CAD: variants seen among roughly 807,000 people sequenced by gnomAD.
CAD encodes the protein carbamoyl-phosphate synthetase 2, aspartate transcarbamylase, and dihydroorotase, also known as multifunctional protein CAD.
CAD carries 81 observed loss-of-function variants against 237.2 expected under a neutral mutation model. That is an observed-to-expected ratio of 0.34 (90% CI 0.29 to 0.41). The LOEUF is 0.41. Among genes scored for constraint, CAD ranks in the 10% least tolerant of loss-of-function variants. The pLI, the probability that CAD is intolerant of heterozygous loss-of-function variation, is 1.00. For missense variants in CAD, 2,181 were observed against 2,951.7 expected, an observed-to-expected ratio of 0.74 and a Z score of 6.05; for synonymous variants, 1,196 against 1,162.8, an observed-to-expected ratio of 1.03 and a Z score of -0.58.
rs762035791 is a variant in CAD at position 27,242,088 on chromosome 2, G to A, written c.6061G>A (p.Val2021Ile). ...VQTMSCYADV[V>I]VLRHPQPGAV... The stretch of plus-strand genomic sequence containing the variant: ...GACCATGAGCTGCTATGCCGACGTC[G>A]TCGTGCTCCGGCACCCCCAGCCTGG... Residue 2021 changes from valine (V) to isoleucine (I), a missense_variant, in exon 39 of 44, where the codon GTC becomes ATC. Coordinates refer to ENST00000264705, the MANE Select transcript of CAD (RefSeq NM_004341.5). The surrounding 1 kb of genome is among the most constrained non-coding windows in gnomAD (Gnocchi z 6.4). 1.3e-5 allele frequency: 21 copies of A among 1,613,030 alleles called. No homozygotes were observed. Among genetic ancestry groups the A allele is most frequent in the Non-Finnish European group, 1.5e-5 (18 of 1,180,032 alleles).
At position 27,235,727 on chromosome 2, in the gene CAD, C is replaced by T. The variant is rs913136650; in HGVS notation, c.4074+87C>T. On this transcript the variant is annotated intron_variant, in intron 25 of 43. Transcript: ENST00000264705. The surrounding 1 kb of genome is among the most constrained non-coding windows in gnomAD (Gnocchi z 5.2). ...ACCAAAGAATTATCTGGGCTGGGCA[C>T]GGTGGCATATACCTGTAGTCCCAGA... 5.4e-5 allele frequency: 61 copies of T among 1,123,106 alleles called. No individual in the cohort carries two copies. Among genetic ancestry groups the T allele is most frequent in the Non-Finnish European group, 3.8e-5 (29 of 758,216 alleles). The allele number at this position is 1,123,106 out of a possible 1,614,324, so 69.6% of individuals were successfully genotyped here.
Position 27,225,170 on chromosome 2 carries a change from G to A in CAD, c.1547G>A (p.Arg516Gln), listed in dbSNP as rs772639350. 4.8e-5 allele frequency: 77 copies of A among 1,614,066 alleles called. No individual in the cohort carries two copies. The Admixed American group carries it at 8.8e-4, about 19-fold the overall frequency. ...VETIELTEDR[R>Q]AFAARMAEIG... The stretch of plus-strand genomic sequence containing the variant: ...ACCATTGAGCTGACCGAGGATCGAC[G>A]GGCCTTTGCTGCCAGAATGGCAGAG... Residue 516 changes from arginine to glutamine, a missense_variant, in exon 11 of 44, where the codon CGG becomes CAG. This residue lies in a region of CAD where 174 missense variants were observed against 215.8 expected (regional missense o/e 0.81). Transcript: ENST00000264705.
Position 27,242,892 on chromosome 2 carries a change from G to C in CAD, c.6399G>C (p.Glu2133Asp). ...TCCAGGAGGAATTCGAGAGCATTGA[G>C]GAGGCGCTGCCTGACACTGATGTGC... is the stretch of plus-strand genomic sequence containing the variant. ...GTKQEEFESI[E>D]EALPDTDVLY... Residue 2133 changes from glutamate to aspartate, a missense_variant, in exon 42 of 44, where the codon GAG becomes GAC. By Grantham distance (45) the Glu-to-Asp change is conservative (BLOSUM62 2). Transcript: ENST00000264705. This position sits in a 1 kb window ranked among gnomAD's most constrained non-coding sequence, Gnocchi z 6.4. The C allele has an allele frequency of 6.2e-7, 1 of 1,614,120 alleles. No individual in the cohort carries two copies. The highest frequency in any genetic ancestry group is 8.5e-7 in the Non-Finnish European group (1 of 1,179,952).
chr2:27,233,988 T>A lies in CAD; in HGVS notation c.3400-20T>A. The A allele has an allele frequency of 6.2e-7, 1 of 1,610,236 alleles. No homozygotes were observed. The highest frequency in any genetic ancestry group is 8.5e-7 in the Non-Finnish European group (1 of 1,177,538). On this transcript the variant is annotated intron_variant, in intron 21 of 43. Coordinates refer to ENST00000264705, the MANE Select transcript of CAD (RefSeq NM_004341.5). The surrounding 1 kb of genome is among the most constrained non-coding windows in gnomAD (Gnocchi z 6.3). ...AGAAGAAAGTGGCCCTATGTCCCAC[T>A]GTCTGTGTCCCCCCGCTAGGAGATT...
intron 2 of CAD, among the ~76,000 whole-genome samples, chr2:27,219,180 C>T (rs1039518854): frequency 2.6e-5 from 4 of 152,224 alleles, no homozygotes; most frequent in African/African-American, 9.6e-5. Flanking sequence ...AGGGAGGGTT[C>T]TGCCAAACTA....
Position 27,225,861 on chromosome 2 carries a change from T to G in CAD, c.1777T>G (p.Ser593Ala). 1 of 1,614,116 alleles carries G rather than the reference T, an allele frequency of 6.2e-7. No homozygotes were observed. Among genetic ancestry groups the G allele is most frequent in the African/African-American group, 1.3e-5 (1 of 75,018 alleles). Residue 593 changes from serine to alanine, a missense_variant, in exon 12 of 44, where the codon TCT (serine) becomes GCT (alanine). Coordinates refer to ENST00000264705, the MANE Select transcript of CAD (RefSeq NM_004341.5). ...TACCAGCCAAGTGCTAGTAGACAAG[T>G]CTCTGAAGGGATGGAAGGAGATTGA... ...AHTSQVLVDK[S>A]LKGWKEIEYE...
rs1674915395 is a variant in CAD, at chr2:27,217,419, C to T, written c.-133C>T. The T allele has an allele frequency of 1.3e-6, 1 of 792,698 alleles. No homozygotes were observed. Among genetic ancestry groups the T allele is most frequent in the Non-Finnish European group, 2.1e-6 (1 of 468,948 alleles). 49.1% of individuals were successfully genotyped at this position (792,698 alleles called of 1,614,324 possible). On this transcript the variant is annotated 5_prime_UTR_variant, in exon 1 of 44. Transcript: ENST00000264705. ...GCCCGAGGCTCCTACGCTGCCGCGC[C>T]CGGCTTCTCTCCAGCGCCCCGCGCC...
chr2:27,222,124 T>G, intron 3 of CAD, 70 bp from the exon 4 acceptor site: 1 of 1,503,408 alleles, frequency 6.7e-7, no homozygotes, highest in Non-Finnish European at 9.2e-7. Context: ...TGGAAGTGCT[T>G]CTGGAAGTCT....
At position 27,241,319 on chromosome 2, in the gene CAD, T is replaced by A; in HGVS notation, c.5809-3T>A. On this transcript the variant is annotated splice_polypyrimidine_tract_variant and splice_region_variant and intron_variant, in intron 37 of 43. Coordinates refer to ENST00000264705, the MANE Select transcript of CAD (RefSeq NM_004341.5). The surrounding 1 kb of genome is among the most constrained non-coding windows in gnomAD (Gnocchi z 4.6). ...TTTCTAGCTAACTTGGGCTCTTTCTTAGATGTCTCACCTGTTCAATGTGGC... is the reference window on the plus strand; with the variant it reads ...TTTCTAGCTAACTTGGGCTCTTTCTAAGATGTCTCACCTGTTCAATGTGGC... The A allele has an allele frequency of 6.2e-7, 1 of 1,614,164 alleles. No individual in the cohort carries two copies. The highest frequency in any genetic ancestry group is 8.5e-7 in the Non-Finnish European group (1 of 1,180,032).
At position 27,242,113 on chromosome 2, in the gene CAD, G is replaced by A. The variant is rs1020986533; in HGVS notation, c.6086G>A (p.Gly2029Glu). ...GTCGTGCTCCGGCACCCCCAGCCTGGAGCAGTGGAGGTGAGGCCAGCCTGG... is the reference window on the plus strand; with the variant it reads ...GTCGTGCTCCGGCACCCCCAGCCTGAAGCAGTGGAGGTGAGGCCAGCCTGG... ...DVVVLRHPQPGAVELAAKHCR... is the reference protein window; with the variant it reads ...DVVVLRHPQPEAVELAAKHCR... The change falls in exon 39 of 44, where the codon GGA (glycine) becomes GAA (glutamate). Residue 2029 changes from glycine (G) to glutamate (E), a missense_variant. Gly to Glu is a moderately conservative substitution (Grantham distance 98). Coordinates refer to ENST00000264705, the MANE Select transcript of CAD (RefSeq NM_004341.5). This position sits in a 1 kb window ranked among gnomAD's most constrained non-coding sequence, Gnocchi z 6.4. The A allele has an allele frequency of 6.2e-7, 1 of 1,612,688 alleles. No homozygotes were observed. Among genetic ancestry groups the A allele is most frequent in the Non-Finnish European group, 8.5e-7 (1 of 1,179,986 alleles).
rs1369811639 is a variant in CAD, at chr2:27,240,059, G to A, written c.5497-206G>A. On this transcript the variant is annotated intron_variant, in intron 34 of 43. Coordinates refer to ENST00000264705, the MANE Select transcript of CAD (RefSeq NM_004341.5). The surrounding 1 kb of genome is among the most constrained non-coding windows in gnomAD (Gnocchi z 4.6). Reference sequence around the variant, plus strand: ...AGTTTAAGACCAGCCTAGCCAACATGGTGAAACCCCATCTCTACTAAAAAT... The same window carrying A: ...AGTTTAAGACCAGCCTAGCCAACATAGTGAAACCCCATCTCTACTAAAAAT... The A allele has an allele frequency of 1.7e-6, 1 of 602,736 alleles. No individual in the cohort carries two copies. Among genetic ancestry groups the A allele is most frequent in the East Asian group, 2.8e-5 (1 of 35,720 alleles). 37.3% of individuals were successfully genotyped at this position (602,736 alleles called of 1,614,324 possible). A position where few individuals can be genotyped will look rare whatever the true frequency, so the allele number is the denominator to read the frequency against.
chr2:27,239,275 C>T lies in CAD; in HGVS notation c.5253+43C>T, dbSNP rs1338342987. 6.2e-7 allele frequency: 1 copy of T among 1,602,804 alleles called. No homozygotes were observed. The highest frequency in any genetic ancestry group is 1.3e-5 in the African/African-American group (1 of 74,840). On this transcript the variant is annotated intron_variant, in intron 32 of 43. Transcript: ENST00000264705. The surrounding 1 kb of genome is among the most constrained non-coding windows in gnomAD (Gnocchi z 4.0). ...AGAGCAGGAGGGGGGCTCTCCAGCCCTAGGATATGTTCTCTGGGGATCCTT... is the reference window on the plus strand; with the variant it reads ...AGAGCAGGAGGGGGGCTCTCCAGCCTTAGGATATGTTCTCTGGGGATCCTT...
Position 27,242,250 on chromosome 2 carries a change from C to G in CAD, c.6097-52C>G. 1 of 1,584,542 alleles carries G rather than the reference C, an allele frequency of 6.3e-7. No individual in the cohort carries two copies. Among genetic ancestry groups the G allele is most frequent in the South Asian group, 1.1e-5 (1 of 87,678 alleles). ...GGGGACCCCAGAAGAGGGGGACTGGCAGTTGGGGGGCCTCTGAGCTGCAAA... is the reference window on the plus strand; with the variant it reads ...GGGGACCCCAGAAGAGGGGGACTGGGAGTTGGGGGGCCTCTGAGCTGCAAA... On this transcript the variant is annotated intron_variant, in intron 39 of 43. Transcript: ENST00000264705. This position sits in a 1 kb window ranked among gnomAD's most constrained non-coding sequence, Gnocchi z 6.4.
In CAD at chr2:27,225,795, A is replaced by G. The variant is rs753631559; in HGVS notation, c.1711A>G (p.Arg571Gly). Residue 571 changes from arginine to glycine, a missense_variant, in exon 12 of 44, where the codon AGG becomes GGG. This residue lies in a region of CAD where 174 missense variants were observed against 215.8 expected (regional missense o/e 0.81). Coordinates refer to ENST00000264705, the MANE Select transcript of CAD (RefSeq NM_004341.5). ...GGLGSGFASN[R>G]EELSALVAPA... ...CCTGGGCTCTGGCTTTGCCTCTAAC[A>G]GGGAGGAGCTCTCTGCTCTCGTGGC... The G allele has an allele frequency of 1.2e-6, 2 of 1,614,022 alleles. No individual in the cohort carries two copies. Among genetic ancestry groups the G allele is most frequent in the Non-Finnish European group, 1.7e-6 (2 of 1,180,010 alleles).
In CAD at chr2:27,222,231, A is replaced by G; in HGVS notation, c.390A>G (p.Glu130=). The part of the protein sequence containing the change: ...DTRELTKKLR[E]QGSLLGKLVQ... Reference sequence around the variant, plus strand: ...GGGAGCTGACCAAGAAGTTGCGGGAACAGGGGTCTCTGCTGGGGAAGCTGG... The same window carrying G: ...GGGAGCTGACCAAGAAGTTGCGGGAGCAGGGGTCTCTGCTGGGGAAGCTGG... The change falls in exon 4 of 44, where the codon GAA becomes GAG. Residue 130 remains glutamate (E), a synonymous_variant. Coordinates refer to ENST00000264705, the MANE Select transcript of CAD (RefSeq NM_004341.5). The G allele has an allele frequency of 6.2e-7, 1 of 1,614,068 alleles. No homozygotes were observed. The highest frequency in any genetic ancestry group is 8.5e-7 in the Non-Finnish European group (1 of 1,179,980).
intron 3 of CAD, among the ~76,000 whole-genome samples, chr2:27,221,753 ATTTTTTTT>A (rs57429918): frequency 5.8e-5 from 6 of 103,492 alleles, no homozygotes; most frequent in African/African-American, 8.6e-5. Context: ...AAATTTCCCA[ATTTTTTTT>A]TTTTTTTTTT....
chr2:27,234,934 A>G (rs1450715000), intron 23 of CAD, among the ~76,000 whole-genome samples: 3 of 152,226 alleles, frequency 2.0e-5, no homozygotes, highest in Non-Finnish European at 4.4e-5. Context: ...CTGTAAACAG[A>G]ATGCTGCAGG....
rs1676221765 is a variant in CAD, at chr2:27,239,994, A to T, written c.5496+196A>T. 4 of 594,352 alleles carry T rather than the reference A, an allele frequency of 6.7e-6. No individual in the cohort carries two copies. The highest frequency in any genetic ancestry group is 3.8e-4 in the Middle Eastern group (1 of 2,636). The allele number at this position is 594,352 out of a possible 1,614,324, so 36.8% of individuals were successfully genotyped here. ...GGTGGCTCACACTTGTAATCCCAGC[A>T]CTTTGGGAGGCCAAGGCAGGCGGAT... On this transcript the variant is annotated intron_variant, in intron 34 of 43. Transcript: ENST00000264705. This position sits in a 1 kb window ranked among gnomAD's most constrained non-coding sequence, Gnocchi z 4.0.
chr2:27,231,895 C>G, intron 16 of CAD, 85 bp from the exon 17 acceptor site: 2 of 1,535,254 alleles, frequency 1.3e-6, no homozygotes, highest in Non-Finnish European at 1.8e-6. Context: ...ACAGTTTCCC[C>G]TTCCTGAGAC....
Sources: gnomAD v4.1 joint callset for allele counts (sites outside exome capture counted in the v4.1 genomes callset) on GRCh38, gnomAD v4.1.1 for gene constraint, gnomAD v4.1.1 regional missense constraint, Gnocchi (gnomAD v3.1) non-coding constraint, MANE v1.5 for transcripts, NCBI Gene and HGNC (gene_info 2026-07-23, HGNC 2026-07-21) for gene names.